Variants in ADCY9 observed in about 807,000 individuals in gnomAD.
The protein encoded by ADCY9 is adenylate cyclase 9.
A neutral mutation model predicts 101.5 loss-of-function variants in ADCY9; 50 were observed. The ratio of observed to expected loss-of-function variants is 0.49; its 90% CI spans 0.39 to 0.62. ADCY9 has a LOEUF of 0.62. ADCY9 is among the 20% of genes least tolerant of loss of function. The pLI is 0.00. For synonymous variants in ADCY9, 905 were observed against 769.3 expected, an observed-to-expected ratio of 1.18 and a Z score of -2.92; for missense variants, 1,662 against 1,800.4, an observed-to-expected ratio of 0.92 and a Z score of 1.39.
In ADCY9 at chr16:3,979,213, C is replaced by A; in HGVS notation, c.2582G>T (p.Gly861Val). ...CTKRLLEWIA[G>V]WLPRHCIGAI... ...CCCGATGCAGTGACGTGGTAGCCAGCCGGCGATCCACTCCAGCAGGCGCTT... is the reference window on the plus strand; with the variant it reads ...CCCGATGCAGTGACGTGGTAGCCAGACGGCGATCCACTCCAGCAGGCGCTT... Residue 861 changes from glycine to valine, a missense_variant, in exon 8 of 11, where the codon GGC (glycine) becomes GTC (valine). Gly to Val is a moderately radical substitution (Grantham distance 109). Around this residue, in one of 5 missense-constraint regions of ADCY9, gnomAD observed 624 missense variants for 639.1 expected, o/e 0.98. Transcript: ENST00000294016. 4.3e-6 allele frequency: 7 copies of A among 1,614,006 alleles called. No individual in the cohort carries two copies. The highest frequency in any genetic ancestry group is 5.9e-6 in the Non-Finnish European group (7 of 1,180,008).
chr16:4,094,032 G>GT (rs1471967709), intron 2 of ADCY9, among the ~76,000 whole-genome samples: 1 of 152,140 alleles, frequency 6.6e-6, no homozygotes, highest in Non-Finnish European at 1.5e-5. Context: ...GGACAAAGTT[G>GT]ATACCTTAGA....
Position 4,114,553 on chromosome 16 carries a change from T to A in ADCY9, c.890A>T (p.His297Leu). 1 of 1,614,036 alleles carries A rather than the reference T, an allele frequency of 6.2e-7. No homozygotes were observed. Among genetic ancestry groups the A allele is most frequent in the Non-Finnish European group, 8.5e-7 (1 of 1,180,012 alleles). Residue 297 changes from histidine to leucine, a missense_variant, in exon 2 of 11, where the codon CAC becomes CTC. His to Leu is a moderately conservative substitution (Grantham distance 99, BLOSUM62 -3). Coordinates refer to ENST00000294016, the MANE Select transcript of ADCY9 (RefSeq NM_001116.4). The surrounding 1 kb of genome is among the most constrained non-coding windows in gnomAD (Gnocchi z 4.3). ...CCTCACCTGGGACATGACGAACAGG[T>A]GGACCCCGATGGCGTGGATGCAGCC... The part of the protein sequence containing the change: ...LHGCIHAIGV[H>L]LFVMSQVRSR...
intron 7 of ADCY9, among the ~76,000 whole-genome samples, chr16:3,981,144 A>C (rs1037460629): frequency 1.3e-5 from 2 of 152,200 alleles, no homozygotes; most frequent in African/African-American, 4.8e-5. Context: ...AAATGGAACC[A>C]AATCCCACCA....
chr16:4,042,641 T>A (rs1027432707), intron 2 of ADCY9, among the ~76,000 whole-genome samples: 1 of 152,120 alleles, frequency 6.6e-6, no homozygotes, highest in African/African-American at 2.4e-5. Context: ...TCTGAAAGAG[T>A]GGAAATGAAC....
intron 2 of ADCY9, among the ~76,000 whole-genome samples, chr16:4,105,908 A>G (rs939268803): frequency 2.6e-5 from 4 of 151,016 alleles, no homozygotes; most frequent in African/African-American, 7.3e-5. Context: ...GAAGGCATAT[A>G]AGCTAGGTGC....
intron 2 of ADCY9, among the ~76,000 whole-genome samples, chr16:4,093,617 C>T (rs1006853583): frequency 1.3e-5 from 2 of 151,944 alleles, no homozygotes; most frequent in South Asian, 2.1e-4. Flanking sequence ...ATTAGTCAGT[C>T]GTGTTGGCAT....
intron 2 of ADCY9, among the ~76,000 whole-genome samples, chr16:4,027,260 G>C (rs117010714): frequency 2.0e-5 from 3 of 152,158 alleles, no homozygotes; most frequent in Non-Finnish European, 1.5e-5. Flanking sequence ...CCCTTGCTTC[G>C]TTTTCTCGTT....
At chr16:4,113,225 C>T (rs951117681) in intron 2 of ADCY9, among the ~76,000 whole-genome samples, 1 of 151,408 alleles carries the variant, frequency 6.6e-6, no homozygotes, top group African/African-American at 2.4e-5. Flanking sequence ...AGGTAAGTAA[C>T]TCCGTCTAAT....
intron 6 of ADCY9, among the ~76,000 whole-genome samples, chr16:3,984,417 A>T (rs560028029): frequency 6.6e-6 from 1 of 152,154 alleles, no homozygotes; most frequent in African/African-American, 2.4e-5. Context: ...ATTGAGGGGG[A>T]GAAATAACGA....
chr16:3,981,848 C>G (rs1177094399), intron 7 of ADCY9: 1 of 152,288 alleles, frequency 6.6e-6, no homozygotes, highest in Non-Finnish European at 1.5e-5. Flanking sequence ...GGTGATCCAC[C>G]TGCCTTGGCC....
At chr16:3,969,569 A>AATATATATATATATATATATAT (rs57260468) in intron 10 of ADCY9, among the ~76,000 whole-genome samples, 11 of 45,238 alleles carry the variant, frequency 2.4e-4, no homozygotes, top group Admixed American at 4.0e-4. Flanking sequence ...GTTTGTTTGA[A>AATATATATATATATATATATAT]ATATATATAT....
At chr16:4,028,768 G>A (rs570150766) in intron 2 of ADCY9, among the ~76,000 whole-genome samples, 40 of 151,912 alleles carry the variant, frequency 2.6e-4, no homozygotes, top group East Asian at 2.5e-3. Context: ...TGCTCAATTC[G>A]TTATCTATTT....
At chr16:4,024,829 A>G (rs928898766) in intron 2 of ADCY9, among the ~76,000 whole-genome samples, 6 of 152,122 alleles carry the variant, frequency 3.9e-5, no homozygotes, top group Non-Finnish European at 7.3e-5. Flanking sequence ...TTAGGGGGCA[A>G]AATCAGGAGC....
At chr16:4,054,649 C>T (rs1035394193) in intron 2 of ADCY9, among the ~76,000 whole-genome samples, 18 of 151,876 alleles carry the variant, frequency 1.2e-4, no homozygotes, top group African/African-American at 4.1e-4. Context: ...CGGCTCACTG[C>T]AAGCTACGCC....
At chr16:4,040,018 G>A (rs906057983) in intron 2 of ADCY9, among the ~76,000 whole-genome samples, 2 of 152,100 alleles carry the variant, frequency 1.3e-5, no homozygotes, top group Admixed American at 6.6e-5. Flanking sequence ...CAGGCTGGGT[G>A]GCAGAGCAAA....
Position 3,963,459 on chromosome 16 carries a change from G to T in ADCY9, c.*2316C>A. ...AGGACCCGAGGGGCTTCGTGGCCCAGAGAGAACGTCTGCACTGGCTGTTTA... is the reference window on the plus strand; with the variant it reads ...AGGACCCGAGGGGCTTCGTGGCCCATAGAGAACGTCTGCACTGGCTGTTTA... On this transcript the variant is annotated 3_prime_UTR_variant, in exon 11 of 11. Coordinates refer to ENST00000294016, the MANE Select transcript of ADCY9 (RefSeq NM_001116.4). 2.5e-6 allele frequency: 1 copy of T among 397,264 alleles called. No homozygotes were observed. Among genetic ancestry groups the T allele is most frequent in the South Asian group, 1.3e-4 (1 of 7,766 alleles). 24.6% of individuals were successfully genotyped at this position (397,264 alleles called of 1,614,324 possible).
intron 2 of ADCY9, among the ~76,000 whole-genome samples, chr16:4,108,239 A>G (rs1436088396): frequency 2.0e-5 from 3 of 151,866 alleles, no homozygotes; most frequent in Admixed American, 6.6e-5. Flanking sequence ...TCGAGATAAC[A>G]CGTCTCACCA....
chr16:4,094,191 C>T (rs1243599768), intron 2 of ADCY9, among the ~76,000 whole-genome samples: 1 of 152,128 alleles, frequency 6.6e-6, no homozygotes, highest in Non-Finnish European at 1.5e-5. Context: ...CATGGTAGTT[C>T]TGAAAGTTTT....
chr16:4,042,320 C>A (rs1344339192), intron 2 of ADCY9, among the ~76,000 whole-genome samples: 4 of 152,108 alleles, frequency 2.6e-5, no homozygotes, highest in African/African-American at 7.2e-5. Context: ...TCCCGCTTGG[C>A]CTCTCAAAGT....
Sources: gnomAD v4.1 joint callset for allele counts (sites outside exome capture counted in the v4.1 genomes callset) on GRCh38, gnomAD v4.1.1 for gene constraint, gnomAD v4.1.1 regional missense constraint, Gnocchi (gnomAD v3.1) non-coding constraint, MANE v1.5 for transcripts, NCBI Gene and HGNC (gene_info 2026-07-23, HGNC 2026-07-21) for gene names.